PCED1B: variants seen among roughly 807,000 people sequenced by gnomAD.
PCED1B encodes the protein PC-esterase domain-containing protein 1B.
For missense variants in PCED1B, 573 were observed against 573.9 expected, an observed-to-expected ratio of 1.00 and a Z score of 0.02; for synonymous variants, 251 against 246.1, an observed-to-expected ratio of 1.02 and a Z score of -0.19.
chr12:47,183,000 C>T (rs1942143807), intron 2 of PCED1B, among the ~76,000 whole-genome samples: 1 of 147,760 alleles, frequency 6.8e-6, no homozygotes, highest in Non-Finnish European at 1.5e-5. Context: ...ATTAGAATGG[C>T]TTCAGGGGTC....
intron 2 of PCED1B, among the ~76,000 whole-genome samples, chr12:47,150,808 A>T (rs571494648): frequency 1.6e-4 from 24 of 152,126 alleles, no homozygotes; most frequent in Non-Finnish European, 2.4e-4. Flanking sequence ...TGGTAAGGAG[A>T]TGGGGCTAGA....
At chr12:47,201,569 A>G (rs940009000) in intron 2 of PCED1B, among the ~76,000 whole-genome samples, 1 of 151,760 alleles carries the variant, frequency 6.6e-6, no homozygotes, top group African/African-American at 2.4e-5. Flanking sequence ...GCAGTATTTT[A>G]TTGTTATTCC....
chr12:47,189,039 G>A (rs1010242416), intron 2 of PCED1B, among the ~76,000 whole-genome samples: 3 of 152,066 alleles, frequency 2.0e-5, no homozygotes, highest in Non-Finnish European at 2.9e-5. Context: ...CACTTATCTC[G>A]AGATTTCCTG....
chr12:47,205,707 G>T (rs1942889843), intron 2 of PCED1B, among the ~76,000 whole-genome samples: 1 of 151,668 alleles, frequency 6.6e-6, no homozygotes, highest in East Asian at 1.9e-4. Flanking sequence ...AGGAAAGAAA[G>T]AGAGGGAAAG....
intron 2 of PCED1B, among the ~76,000 whole-genome samples, chr12:47,186,187 CA>C (rs1461666655): frequency 3.3e-5 from 5 of 150,664 alleles, no homozygotes; most frequent in Non-Finnish European, 7.4e-5. Context: ...CCCTGCACTC[CA>C]GCCTGGGTGA....
intron 1 of PCED1B, among the ~76,000 whole-genome samples, chr12:47,088,399 C>G (rs536501708): frequency 6.6e-6 from 1 of 152,282 alleles, no homozygotes; most frequent in Admixed American, 6.5e-5. Context: ...TGCTCTCTCT[C>G]AGCTGCTGCA....
chr12:47,166,718 TAATAATAATAATA>T (rs1309166321), intron 2 of PCED1B, among the ~76,000 whole-genome samples: 1 of 152,038 alleles, frequency 6.6e-6, no homozygotes, highest in African/African-American at 2.4e-5. Context: ...GTGGTAAAAA[TAATAATAATAATA>T]AAAGCATCTC....
intron 2 of PCED1B, among the ~76,000 whole-genome samples, chr12:47,129,097 CTT>C (rs907422781): frequency 3.3e-5 from 5 of 152,196 alleles, no homozygotes; most frequent in Non-Finnish European, 5.9e-5. Context: ...TTCAAATTCT[CTT>C]TGCCTACCAG....
At chr12:47,193,030 C>A (rs544316136) in intron 2 of PCED1B, among the ~76,000 whole-genome samples, 22 of 152,290 alleles carry the variant, frequency 1.4e-4, no homozygotes, top group African/African-American at 5.1e-4. Context: ...TTTATGCACA[C>A]AGATATTTTA....
intron 2 of PCED1B, among the ~76,000 whole-genome samples, chr12:47,196,368 G>T (rs1942602443): frequency 6.6e-6 from 1 of 152,154 alleles, no homozygotes; most frequent in African/African-American, 2.4e-5. Context: ...CCATAAAATG[G>T]AGATAATAGT....
At chr12:47,131,082 A>G (rs1479999031) in intron 2 of PCED1B, among the ~76,000 whole-genome samples, 1 of 152,224 alleles carries the variant, frequency 6.6e-6, no homozygotes, top group Non-Finnish European at 1.5e-5. Context: ...GATCATATTT[A>G]TGAATTTGAG....
At chr12:47,118,192 T>G (rs79544057) in intron 2 of PCED1B, among the ~76,000 whole-genome samples, 14,249 of 152,242 alleles carry the variant, frequency 0.094, 1,154 homozygotes, top group African/African-American at 0.22. Flanking sequence ...CTCTTTAGTT[T>G]AATTAGATCC....
intron 3 of PCED1B, among the ~76,000 whole-genome samples, chr12:47,218,160 A>C (rs960755210): frequency 6.6e-6 from 1 of 152,160 alleles, no homozygotes; most frequent in African/African-American, 2.4e-5. Context: ...TTATTTTTGG[A>C]GCTGGAGGAG....
chr12:47,093,061 C>G (rs1166336435), intron 1 of PCED1B, among the ~76,000 whole-genome samples: 1 of 151,920 alleles, frequency 6.6e-6, no homozygotes, highest in African/African-American at 2.4e-5. Context: ...TTATACAAGA[C>G]AGCTGTTAAT....
At chr12:47,228,755 C>G (rs1944275235) in intron 3 of PCED1B, among the ~76,000 whole-genome samples, 1 of 151,834 alleles carries the variant, frequency 6.6e-6, no homozygotes, top group African/African-American at 2.4e-5. Context: ...CACCTGTAAT[C>G]CCAGCTACTC....
At chr12:47,223,429 G>C (rs2137848310) in intron 3 of PCED1B, 1 of 152,362 alleles carries the variant, frequency 6.6e-6, no homozygotes, top group East Asian at 1.9e-4. Flanking sequence ...CCCAGTCAGT[G>C]CAAGCAAGTT....
intron 1 of PCED1B, among the ~76,000 whole-genome samples, chr12:47,091,618 G>A (rs539817267): frequency 2.0e-5 from 3 of 152,110 alleles, no homozygotes; most frequent in South Asian, 2.1e-4. Context: ...ATTTAACAAA[G>A]GATTGCTGAC....
At chr12:47,217,401 CAG>C (rs781406311) in intron 3 of PCED1B, among the ~76,000 whole-genome samples, 26 of 114,924 alleles carry the variant, frequency 2.3e-4, no homozygotes, top group Non-Finnish European at 2.3e-4. Flanking sequence ...AAGAAAGAAA[CAG>C]AGAGAGAGAG....
chr12:47,107,425 G>T (rs1939003838), intron 2 of PCED1B, among the ~76,000 whole-genome samples: 1 of 152,258 alleles, frequency 6.6e-6, no homozygotes, highest in African/African-American at 2.4e-5. Context: ...GGAGGGAGCT[G>T]ATAGATGGCA....
Sources: gnomAD v4.1 joint callset for allele counts (sites outside exome capture counted in the v4.1 genomes callset) on GRCh38, gnomAD v4.1.1 for gene constraint, MANE v1.5 for transcripts, NCBI Gene and HGNC (gene_info 2026-07-23, HGNC 2026-07-21) for gene names.